SYNE1: variants seen among roughly 807,000 people sequenced by gnomAD.
SYNE1 encodes the protein nesprin-1.
Under a neutral mutation model 1,111.0 loss-of-function variants are expected in SYNE1, and 616 were observed. That is an observed-to-expected ratio of 0.55 (90% confidence interval 0.52 to 0.59). The LOEUF (loss-of-function observed/expected upper bound fraction) is 0.59. SYNE1 is among the 20% of genes least tolerant of loss of function. SYNE1 has a pLI of 0.00. For missense variants in SYNE1, 10,006 were observed against 10,417.0 expected (o/e 0.96, Z 1.72); for synonymous variants, 3,855 against 3,825.8 (o/e 1.01, Z -0.28).
At chr6:152,332,059 C>T (rs1202226969) in intron 77 of SYNE1, among the ~76,000 whole-genome samples, 169 bp from the exon 78 acceptor site, 1 of 152,214 alleles carries the variant, frequency 6.6e-6, no homozygotes, top group Non-Finnish European at 1.5e-5. Flanking sequence ...ACGGCAACCT[C>T]CGCCTCCCAG....
At chr6:152,356,171 A>T (rs2096834328) in intron 66 of SYNE1, among the ~76,000 whole-genome samples, 2 of 152,054 alleles carry the variant, frequency 1.3e-5, no homozygotes, top group African/African-American at 4.8e-5. Flanking sequence ...TCTCTGTTGC[A>T]ATGACTTAAC....
At chr6:152,202,094 C>T (rs1323337197) in intron 126 of SYNE1, 145 bp from the exon 127 acceptor site, 1 of 1,108,738 alleles carries the variant, frequency 9.0e-7, no homozygotes, top group Admixed American at 2.2e-5. Context: ...CGCGTGTAAT[C>T]CCAGCACTTT....
At chr6:152,497,607 T>C (rs1038442295) in intron 11 of SYNE1, among the ~76,000 whole-genome samples, 1 of 152,212 alleles carries the variant, frequency 6.6e-6, no homozygotes, top group East Asian at 1.9e-4. Flanking sequence ...CTATTTGTTA[T>C]ACAAAGTCAT....
chr6:152,532,660 G>A (rs1467183155), intron 4 of SYNE1, among the ~76,000 whole-genome samples: 4 of 152,100 alleles, frequency 2.6e-5, no homozygotes, highest in Non-Finnish European at 5.9e-5. Flanking sequence ...TCAAGGCAAG[G>A]GTTGACTCTC....
At chr6:152,487,913 A>C (rs373975748) in intron 12 of SYNE1, among the ~76,000 whole-genome samples, 23 of 152,044 alleles carry the variant, frequency 1.5e-4, no homozygotes, top group African/African-American at 5.6e-4. Context: ...ATCTCTACTA[A>C]AAATACAAAA....
chr6:152,228,034 C>A (rs150399923), intron 115 of SYNE1, among the ~76,000 whole-genome samples: 2 of 152,164 alleles, frequency 1.3e-5, no homozygotes, highest in East Asian at 3.9e-4. Context: ...CTATAAAAGA[C>A]TGGGAAAATA....
Position 152,213,687 on chromosome 6 carries a change from A to T in SYNE1, c.22419T>A (p.Val7473=), listed in dbSNP as rs758085331. ...EKCETWMEFL[V]QTEQKLAVEI... ...CTACTGCTAACTTTTGTTCTGTCTGAACTAGGAATTCCATCCATGTTTCAC... is the reference window on the plus strand; with the variant it reads ...CTACTGCTAACTTTTGTTCTGTCTGTACTAGGAATTCCATCCATGTTTCAC... Residue 7473 remains valine, a synonymous_variant, in exon 123 of 146, where the codon GTT becomes GTA. Coordinates refer to ENST00000367255, the MANE Select transcript of SYNE1 (RefSeq NM_182961.4). The T allele has an allele frequency of 2.5e-6, 4 of 1,614,004 alleles. No individual in the cohort carries two copies. In the African/African-American group the frequency reaches 5.3e-5, roughly 22 times the overall value.
chr6:152,541,930 TAA>T (rs2099272808), intron 3 of SYNE1, among the ~76,000 whole-genome samples: 1 of 151,540 alleles, frequency 6.6e-6, no homozygotes, highest in African/African-American at 2.4e-5. Flanking sequence ...CCTAGACATG[TAA>T]CCCCTGCACC....
rs775184314 is a variant in SYNE1, at chr6:152,221,544, G to A, written c.21538C>T (p.Leu7180=). The part of the protein sequence containing the change: ...VDNLQNLQDD[L]EKQERSLQKF... ...TGTAAGCTCCTTTCCTGTTTTTCCA[G>A]ATCATCTTGGAGATTCTGCCCCAAA... The change falls in exon 118 of 146, where the codon CTG becomes TTG. Residue 7180 remains leucine (L), a synonymous_variant. Coordinates refer to ENST00000367255, the MANE Select transcript of SYNE1 (RefSeq NM_182961.4). 1 of 1,613,684 alleles carries A rather than the reference G, an allele frequency of 6.2e-7. No individual in the cohort carries two copies. The highest frequency in any genetic ancestry group is 8.5e-7 in the Non-Finnish European group (1 of 1,179,888).
At chr6:152,293,367 G>A (rs2094703391) in intron 95 of SYNE1, among the ~76,000 whole-genome samples, 1 of 151,836 alleles carries the variant, frequency 6.6e-6, no homozygotes, top group African/African-American at 2.4e-5. Context: ...AGGTCTGCAT[G>A]TCTCTCTCTC....
intron 76 of SYNE1, chr6:152,335,376 G>A (rs1205131582): frequency 6.6e-6 from 1 of 152,110 alleles, no homozygotes; most frequent in African/African-American, 2.4e-5. Context: ...AAGTGATTGT[G>A]ATTTAAATTT....
intron 55 of SYNE1, among the ~76,000 whole-genome samples, chr6:152,383,904 A>T (rs2097474700): frequency 6.6e-6 from 1 of 152,192 alleles, no homozygotes; most frequent in African/African-American, 2.4e-5. Context: ...GCTCCTCCGC[A>T]TGCAATTATT....
At chr6:152,437,261 T>C (rs2098482329) in intron 32 of SYNE1, among the ~76,000 whole-genome samples, 1 of 152,236 alleles carries the variant, frequency 6.6e-6, no homozygotes, top group Admixed American at 6.5e-5. Flanking sequence ...TACATACACA[T>C]GTATCACATG....
At chr6:152,363,155 A>G (rs1331886686) in intron 63 of SYNE1, among the ~76,000 whole-genome samples, 2 of 147,754 alleles carry the variant, frequency 1.4e-5, no homozygotes, top group Admixed American at 6.7e-5. Flanking sequence ...TGCTGGGAAT[A>G]CAGGCGTGAG....
rs139616142 is a variant in SYNE1, at chr6:152,170,135, G to C, written c.23628-5810C>G. ...TTTACCTCATGGAGTTAAAAAATTT[G>C]AAATTTTTTTCATGCTTATTATTGT... is the stretch of plus-strand genomic sequence containing the variant. On this transcript the variant is annotated intron_variant, in intron 130 of 145. Transcript: ENST00000367255. Among the ~76,000 whole-genome samples the C allele has an allele frequency of 9.2e-5, 14 of 152,022 alleles. No homozygotes were observed. In the East Asian group the frequency reaches 2.7e-3, roughly 29 times the overall value.
At chr6:152,451,016 G>A (rs374331701) in intron 26 of SYNE1, 31 bp downstream of exon 26, 53 of 1,613,706 alleles carry the variant, frequency 3.3e-5, no homozygotes, top group Middle Eastern at 1.6e-4. Context: ...GACTTGACAC[G>A]GCTATCCACA....
chr6:152,323,534 A>C lies in SYNE1; in HGVS notation c.15861T>G (p.Pro5287=), dbSNP rs1350797167. ...CCTGCATGAGCGGAGGCTCTTCCCC[A>C]GGGGTTGGGGCGGCTCCATCCTGGA... ...SMLQDGAAPT[P]GEEPPLMQEI... The change falls in exon 82 of 146, where the codon CCT becomes CCG. Residue 5287 remains proline (P), a synonymous_variant. Transcript: ENST00000367255. 1 of 1,614,168 alleles carries C rather than the reference A, an allele frequency of 6.2e-7. No individual in the cohort carries two copies. Among genetic ancestry groups the C allele is most frequent in the Admixed American group, 1.7e-5 (1 of 60,022 alleles).
chr6:152,455,805 C>A, intron 23 of SYNE1, 81 bp downstream of exon 23: 1 of 1,601,532 alleles, frequency 6.2e-7, no homozygotes, highest in Non-Finnish European at 8.5e-7. Flanking sequence ...TTTAGCAAGA[C>A]CAAAAGCACG....
At chr6:152,530,844 C>T (rs1390476116) in intron 4 of SYNE1, among the ~76,000 whole-genome samples, 3 of 151,872 alleles carry the variant, frequency 2.0e-5, no homozygotes, top group East Asian at 1.9e-4. Flanking sequence ...AGGATGGTCT[C>T]GATCTCCTGA....
Sources: allele counts gnomAD v4.1 joint callset (sites outside exome capture counted in the v4.1 genomes callset), GRCh38; gene constraint gnomAD v4.1.1; transcripts MANE v1.5; gene names NCBI Gene and HGNC (gene_info 2026-07-23, HGNC 2026-07-21).